APLF: variants seen among roughly 807,000 people sequenced by gnomAD.
APLF encodes the protein aprataxin and PNKP like factor.
In APLF, 61 loss-of-function variants were observed where a neutral mutation model predicts 55.6. The ratio of observed to expected loss-of-function variants is 1.10; its 90% confidence interval spans 0.89 to 1.36. The LOEUF (loss-of-function observed/expected upper bound fraction) is 1.36, where lower values mean the gene tolerates loss of function less well. APLF is among the 40% of genes most tolerant of loss of function. APLF has a pLI of 0.00. For missense variants in APLF, 611 were observed against 602.5 expected (o/e 1.01, Z -0.15); for synonymous variants, 207 against 214.8 (o/e 0.96, Z 0.32).
At chr2:68,555,223 GA>G (rs1238083856) in intron 8 of APLF, among the ~76,000 whole-genome samples, 1 of 151,984 alleles carries the variant, frequency 6.6e-6, no homozygotes, top group East Asian at 1.9e-4. Context: ...GACAAAACTG[GA>G]AAAACCCTTC....
In APLF at chr2:68,502,745, A is replaced by T. The variant is rs142856238; in HGVS notation, c.183A>T (p.Pro61=). Residue 61 remains proline (P), a synonymous_variant, in exon 3 of 10, where the codon CCA becomes CCT. Coordinates refer to ENST00000303795, the MANE Select transcript of APLF (RefSeq NM_173545.3). ...TAATTTGTTAGATACACACAAATCC[A>T]TGTTTTTACCAGTCTTCAGAGAAGA... ...QLRIKPIHTN[P]CFYQSSEKSQ... The T allele has an allele frequency of 3.3e-6, 5 of 1,527,110 alleles. No homozygotes were observed. In the South Asian group the frequency reaches 5.5e-5, roughly 17 times the overall value. 94.6% of individuals were successfully genotyped at this position (1,527,110 alleles called of 1,614,324 possible).
intron 8 of APLF, among the ~76,000 whole-genome samples, chr2:68,549,996 G>A (rs1268103946): frequency 6.6e-6 from 1 of 151,884 alleles, no homozygotes; most frequent in Non-Finnish European, 1.5e-5. Context: ...TCGGAGTGTT[G>A]GTCCGATATA....
intron 6 of APLF, among the ~76,000 whole-genome samples, chr2:68,533,741 C>T (rs564919443): frequency 6.6e-6 from 1 of 152,240 alleles, no homozygotes; most frequent in South Asian, 2.1e-4. Flanking sequence ...AGCATCTTCA[C>T]CTGACATCTG....
rs115417496 is a variant in APLF, at chr2:68,469,145, A to G, written c.96+1318A>G. Among the ~76,000 whole-genome samples the G allele has an allele frequency of 2.2e-3, 328 of 151,876 alleles. 2 individuals are homozygous for G. The highest frequency in any genetic ancestry group is 7.5e-3 in the African/African-American group (312 of 41,404). On this transcript the variant is annotated intron_variant, in intron 1 of 9. Coordinates refer to ENST00000303795, the MANE Select transcript of APLF (RefSeq NM_173545.3). ...TATTTAAATATTTAACATCATTTCT[A>G]TTTTTTTCATCGTTTGTTGGCCTAT...
chr2:68,503,534 A>C (rs1676786482), intron 3 of APLF, among the ~76,000 whole-genome samples: 1 of 152,136 alleles, frequency 6.6e-6, no homozygotes, highest in Admixed American at 6.6e-5. Flanking sequence ...CAATAGTATT[A>C]AGTCAGAAAT....
At chr2:68,556,410 G>C (rs1178733982) in intron 8 of APLF, among the ~76,000 whole-genome samples, 1 of 152,158 alleles carries the variant, frequency 6.6e-6, no homozygotes. Context: ...TTCTTTTTGT[G>C]CTGTCCACTG....
rs572621773 is a variant in APLF, at chr2:68,505,162, A to G, written c.341+2259A>G. On this transcript the variant is annotated intron_variant, in intron 3 of 9. Coordinates refer to ENST00000303795, the MANE Select transcript of APLF (RefSeq NM_173545.3). ...ATCATTGCTTACTACTTTAAAGTAC[A>G]TGTCTTTTTCTCTTATCATACATGT... Among the ~76,000 whole-genome samples the G allele has an allele frequency of 9.2e-5, 14 of 152,190 alleles. No homozygotes were observed. In the South Asian group the frequency reaches 2.9e-3, roughly 32 times the overall value.
rs1669449369 is a variant in APLF, at chr2:68,513,082, A to G, written c.344A>G (p.Asn115Ser). The part of the protein sequence containing the change: ...SEVEMQCTLR[N>S]SQVLDEDNIL... Reference sequence around the variant, plus strand: ...CCAGTTTCTATTTTATCTTATAGAAACAGTCAAGTGCTTGATGAAGATAAT... The same window carrying G: ...CCAGTTTCTATTTTATCTTATAGAAGCAGTCAAGTGCTTGATGAAGATAAT... The change falls in exon 4 of 10, where the codon AAC becomes AGC. Residue 115 changes from asparagine to serine, a missense_variant and splice_region_variant. Physicochemically the swap from Asn to Ser is conservative, Grantham distance 46. Transcript: ENST00000303795. 1 of 1,600,412 alleles carries G rather than the reference A, an allele frequency of 6.2e-7. No individual in the cohort carries two copies. Among genetic ancestry groups the G allele is most frequent in the Non-Finnish European group, 8.5e-7 (1 of 1,174,088 alleles).
At chr2:68,566,926 C>G (rs946143145) in intron 8 of APLF, among the ~76,000 whole-genome samples, 4 of 151,824 alleles carry the variant, frequency 2.6e-5, no homozygotes, top group African/African-American at 9.7e-5. Flanking sequence ...TCTTTAGATT[C>G]AAGAAGAGCC....
chr2:68,471,424 T>A (rs1675612992), intron 1 of APLF, among the ~76,000 whole-genome samples: 1 of 152,226 alleles, frequency 6.6e-6, no homozygotes, highest in East Asian at 1.9e-4. Flanking sequence ...GAGAAACAAG[T>A]CTTTGCTCTC....
chr2:68,531,204 G>A (rs1189495492), intron 6 of APLF: 2 of 152,176 alleles, frequency 1.3e-5, no homozygotes, highest in Non-Finnish European at 2.9e-5. Context: ...TTTATTGGAA[G>A]TACTTAAAAA....
intron 8 of APLF, among the ~76,000 whole-genome samples, chr2:68,557,201 A>T (rs1235107412): frequency 1.3e-5 from 2 of 152,182 alleles, no homozygotes; most frequent in African/African-American, 4.8e-5. Flanking sequence ...ACATCCTTCC[A>T]TGCACTTTAA....
Position 68,578,296 on chromosome 2 carries a change from T to G in APLF, c.*274T>G. 4.4e-6 allele frequency: 5 copies of G among 1,147,734 alleles called. No individual in the cohort carries two copies. The highest frequency in any genetic ancestry group is 5.4e-6 in the Non-Finnish European group (5 of 929,052). 71.1% of individuals were successfully genotyped at this position (1,147,734 alleles called of 1,614,324 possible). Reference sequence around the variant, plus strand: ...TAAAAATGGATATTTTTTATGTACTTTGTATATTGGTAATAAAAAGTAAAA... The same window carrying G: ...TAAAAATGGATATTTTTTATGTACTGTGTATATTGGTAATAAAAAGTAAAA... On this transcript the variant is annotated 3_prime_UTR_variant, in exon 10 of 10. Transcript: ENST00000303795.
chr2:68,518,294 T>TTAATATATTATATATTATTTAATAATATA (rs1339219234), intron 5 of APLF, among the ~76,000 whole-genome samples: 1 of 115,022 alleles, frequency 8.7e-6, no homozygotes. Context: ...TATTAATATA[T>TTAATATATTATATATTATTTAATAATATA]TAATATATTA....
chr2:68,470,217 AT>A (rs1675574860), intron 1 of APLF, among the ~76,000 whole-genome samples: 1 of 152,230 alleles, frequency 6.6e-6, no homozygotes, highest in Non-Finnish European at 1.5e-5. Context: ...AAGATTACAT[AT>A]TGTGTGATTC....
intron 5 of APLF, among the ~76,000 whole-genome samples, chr2:68,517,435 CTATA>C (rs201727599): frequency 4.9e-4 from 64 of 131,188 alleles, no homozygotes; most frequent in African/African-American, 1.9e-3. Flanking sequence ...ATTAATATAT[CTATA>C]TATGTTATTA....
At chr2:68,500,030 G>A (rs1309665274) in intron 2 of APLF, among the ~76,000 whole-genome samples, 1 of 151,842 alleles carries the variant, frequency 6.6e-6, no homozygotes, top group Non-Finnish European at 1.5e-5. Context: ...TTATGCCATT[G>A]TTTTCATTCC....
chr2:68,504,263 T>C (rs1676807612), intron 3 of APLF, among the ~76,000 whole-genome samples: 1 of 151,932 alleles, frequency 6.6e-6, no homozygotes, highest in South Asian at 2.1e-4. Context: ...TTATTCTTTT[T>C]TCTCAAAAAA....
intron 2 of APLF, among the ~76,000 whole-genome samples, chr2:68,493,642 A>G (rs1305429950): frequency 6.6e-6 from 1 of 152,236 alleles, no homozygotes. Flanking sequence ...GACATAAAGA[A>G]ATACCTGAGA....
Sources: allele counts gnomAD v4.1 joint callset (sites outside exome capture counted in the v4.1 genomes callset), GRCh38; gene constraint gnomAD v4.1.1; transcripts MANE v1.5; gene names NCBI Gene and HGNC (gene_info 2026-07-23, HGNC 2026-07-21).